The following HIVEP1 variants were observed in gnomAD, a reference collection of about 807,000 sequenced individuals.
HIVEP1 encodes the protein zinc finger protein 40.
HIVEP1 carries 36 observed loss-of-function variants against 180.0 expected under a neutral mutation model. The ratio of observed to expected loss-of-function variants is 0.20; its 90% CI spans 0.15 to 0.26. The LOEUF (loss-of-function observed/expected upper bound fraction) is 0.26, where lower values mean the gene tolerates loss of function less well. HIVEP1 is among the 10% of genes least tolerant of loss of function. The pLI is 1.00. For missense variants in HIVEP1, 3,143 were observed against 3,268.7 expected (o/e 0.96, Z 0.94); for synonymous variants, 1,239 against 1,239.0 (o/e 1.00, Z 0.00).
chr6:12,041,420 TAAAAAAAAA>T (rs34364704), intron 2 of HIVEP1, among the ~76,000 whole-genome samples: 6 of 52,276 alleles, frequency 1.1e-4, no homozygotes, highest in Admixed American at 5.4e-4. Context: ...AGACTCCGTC[TAAAAAAAAA>T]AAAAAAAAAA....
intron 2 of HIVEP1, among the ~76,000 whole-genome samples, chr6:12,070,953 A>G (rs1771929037): frequency 6.6e-6 from 1 of 152,228 alleles, no homozygotes. Flanking sequence ...CTAGTGACCA[A>G]ACATGATAAA....
chr6:12,124,197 C>T lies in HIVEP1; in HGVS notation c.4402C>T (p.Gln1468Ter). ...SVNAVPYQGP[Q>*]LTSTSLAEFS... ...GAATGCAGTGCCATATCAGGGGCCTCAGCTCACTAGTACATCTTTAGCTGA... is the reference window on the plus strand; with the variant it reads ...GAATGCAGTGCCATATCAGGGGCCTTAGCTCACTAGTACATCTTTAGCTGA... The change falls in exon 4 of 9, where the codon CAG (glutamine) becomes TAG (stop). Residue 1468 changes from glutamine to a stop codon, truncating the protein, a stop_gained. Transcript: ENST00000379388. LOFTEE classifies it high-confidence loss of function. 6.2e-7 allele frequency: 1 copy of T among 1,614,106 alleles called. No homozygotes were observed. The highest frequency in any genetic ancestry group is 8.5e-7 in the Non-Finnish European group (1 of 1,179,968).
At chr6:12,083,860 T>C (rs921129358) in intron 2 of HIVEP1, among the ~76,000 whole-genome samples, 2 of 152,176 alleles carry the variant, frequency 1.3e-5, no homozygotes, top group Non-Finnish European at 2.9e-5. Flanking sequence ...TTGAAATAGC[T>C]TTGCTTCCTA....
At chr6:12,160,217 T>C (rs962322659) in intron 7 of HIVEP1, among the ~76,000 whole-genome samples, 2 of 152,192 alleles carry the variant, frequency 1.3e-5, no homozygotes, top group African/African-American at 4.8e-5. Flanking sequence ...AGTTTAAAAG[T>C]TCCACATGAG....
intron 7 of HIVEP1, among the ~76,000 whole-genome samples, chr6:12,144,182 A>T (rs1247388550): frequency 1.3e-5 from 2 of 152,228 alleles, no homozygotes; most frequent in Admixed American, 6.5e-5. Flanking sequence ...CAAAACAGAT[A>T]TATAGACCAA....
intron 2 of HIVEP1, among the ~76,000 whole-genome samples, chr6:12,070,184 A>G (rs987454834): frequency 2.0e-5 from 3 of 152,248 alleles, no homozygotes; most frequent in African/African-American, 4.8e-5. Context: ...GAAGGAGTAC[A>G]GTCTAAAATG....
At chr6:12,038,215 C>T (rs1171051420) in intron 2 of HIVEP1, 1 of 153,766 alleles carries the variant, frequency 6.5e-6, no homozygotes, top group Non-Finnish European at 1.4e-5. Flanking sequence ...TAAAGAAGCA[C>T]AGATATTACT....
At chr6:12,023,154 A>G (rs1768356764) in intron 2 of HIVEP1, among the ~76,000 whole-genome samples, 1 of 152,194 alleles carries the variant, frequency 6.6e-6, no homozygotes, top group Non-Finnish European at 1.5e-5. Flanking sequence ...TCTGTGTGAC[A>G]CAAGAGAAGC....
intron 2 of HIVEP1, among the ~76,000 whole-genome samples, chr6:12,042,664 T>C (rs187757347): frequency 1.3e-5 from 2 of 152,226 alleles, no homozygotes; most frequent in African/African-American, 4.8e-5. Flanking sequence ...CCTGCAATTA[T>C]ACAAATAGCC....
At chr6:12,053,233 GT>G (rs1260525532) in intron 2 of HIVEP1, among the ~76,000 whole-genome samples, 2 of 152,100 alleles carry the variant, frequency 1.3e-5, no homozygotes, top group Non-Finnish European at 2.9e-5. Flanking sequence ...TCATGTGTGT[GT>G]GTGTGTCTGT....
chr6:12,110,326 C>G (rs985864437), intron 3 of HIVEP1, among the ~76,000 whole-genome samples: 5 of 152,242 alleles, frequency 3.3e-5, no homozygotes, highest in African/African-American at 1.2e-4. Context: ...ATTGACTTCT[C>G]TCTAGTATGA....
At chr6:12,118,139 T>C (rs1775333803) in intron 3 of HIVEP1, among the ~76,000 whole-genome samples, 1 of 21,094 alleles carries the variant, frequency 4.7e-5, no homozygotes. Context: ...AGACCCCCTT[T>C]TGTTTTTTTT....
chr6:12,175,896 T>G, the HIVEP1 span, among the ~76,000 whole-genome samples: 1 of 152,172 alleles, frequency 6.6e-6, no homozygotes, highest in South Asian at 2.1e-4. Flanking sequence ...TTATTCTTGG[T>G]GCAACCTAAC....
intron 2 of HIVEP1, among the ~76,000 whole-genome samples, chr6:12,019,183 G>C (rs1490519844): frequency 6.6e-6 from 1 of 152,174 alleles, no homozygotes; most frequent in East Asian, 1.9e-4. Context: ...TTCTGAGCCA[G>C]TGTAGCTCAC....
intron 3 of HIVEP1, among the ~76,000 whole-genome samples, chr6:12,104,424 CCT>C (rs1774306340): frequency 1.3e-5 from 1 of 79,796 alleles, no homozygotes; most frequent in Non-Finnish European, 2.7e-5. Context: ...CCTTTTCTTT[CCT>C]TTTTTTTTTT....
intron 2 of HIVEP1, among the ~76,000 whole-genome samples, chr6:12,075,250 T>C (rs957547445): frequency 2.0e-5 from 3 of 152,216 alleles, no homozygotes; most frequent in Non-Finnish European, 4.4e-5. Flanking sequence ...ATTTTCAGAT[T>C]CTTAAAGGGG....
chr6:12,180,006 A>T, the HIVEP1 span, among the ~76,000 whole-genome samples: 2 of 152,198 alleles, frequency 1.3e-5, no homozygotes, highest in African/African-American at 4.8e-5. Flanking sequence ...ATTTCAAATA[A>T]GCTTTATATC....
chr6:12,170,850 C>T, the HIVEP1 span, among the ~76,000 whole-genome samples: 1 of 152,026 alleles, frequency 6.6e-6, no homozygotes, highest in Non-Finnish European at 1.5e-5. Context: ...AGTCACAGGA[C>T]ACAAAAGTAA....
chr6:12,209,004 G>A, the HIVEP1 span, among the ~76,000 whole-genome samples: 7 of 152,072 alleles, frequency 4.6e-5, no homozygotes, highest in South Asian at 4.1e-4. Context: ...TGGCCTCCTC[G>A]CTGTTCTGCA....
Sources: allele counts gnomAD v4.1 joint callset (sites outside exome capture counted in the v4.1 genomes callset), GRCh38; gene constraint gnomAD v4.1.1; transcripts MANE v1.5; gene names NCBI Gene and HGNC (gene_info 2026-07-23, HGNC 2026-07-21).